Variants in FBXO34 observed in about 807,000 individuals in gnomAD.
FBXO34 encodes F-box protein 34.
Under a neutral mutation model 24.5 loss-of-function variants are expected in FBXO34, and 12 were observed. That is an observed-to-expected ratio of 0.49 (90% confidence interval 0.31 to 0.79). The LOEUF is 0.79. FBXO34 is among the 30% of genes least tolerant of loss of function. The pLI is 0.04. For missense variants in FBXO34, 823 were observed against 857.7 expected, an observed-to-expected ratio of 0.96 and a Z score of 0.51; for synonymous variants, 320 against 311.9, an observed-to-expected ratio of 1.03 and a Z score of -0.27.
intron 1 of FBXO34, among the ~76,000 whole-genome samples, chr14:55,317,709 A>G (rs1377742983): frequency 2.0e-5 from 3 of 152,208 alleles, no homozygotes; most frequent in Admixed American, 6.5e-5. Context: ...ATCAGCAAAT[A>G]CTACAAACAA....
At chr14:55,300,911 G>A (rs143920379) in intron 1 of FBXO34, among the ~76,000 whole-genome samples, 1 of 152,280 alleles carries the variant, frequency 6.6e-6, no homozygotes, top group African/African-American at 2.4e-5. Context: ...AAATGTTCTT[G>A]TAATTCTGAA....
chr14:55,304,061 T>C lies in FBXO34; in HGVS notation c.-11+32524T>C, dbSNP rs571485193. 9.9e-5 allele frequency among the ~76,000 whole-genome samples: 15 copies of C among 151,700 alleles called. No homozygotes were observed. In the South Asian group the frequency reaches 3.1e-3, roughly 31 times the overall value. ...ATAGTGTTTGGATTTATTGCTTAGT[T>C]ACAGTGACATGTGTGCGGTTAAAGT... On this transcript the variant is annotated intron_variant, in intron 1 of 1. Coordinates refer to ENST00000313833, the MANE Select transcript of FBXO34 (RefSeq NM_017943.4).
At chr14:55,360,489 T>C (rs1884579262) in intron 3 of FBXO34, among the ~76,000 whole-genome samples, 3 of 152,344 alleles carry the variant, frequency 2.0e-5, no homozygotes, top group African/African-American at 7.2e-5. Context: ...GTTCTCTTGC[T>C]GTTTTTCACC....
intron 1 of FBXO34, among the ~76,000 whole-genome samples, chr14:55,307,576 T>C (rs1024695476): frequency 2.0e-5 from 3 of 152,252 alleles, no homozygotes. Flanking sequence ...GTAATTTCTT[T>C]ATAAACAAGG....
the FBXO34 span, among the ~76,000 whole-genome samples, chr14:55,384,136 A>G: frequency 1.3e-5 from 2 of 152,254 alleles, no homozygotes; most frequent in Non-Finnish European, 2.9e-5. Flanking sequence ...AAACCTTATT[A>G]GAAGGGTAAC....
At chr14:55,303,933 C>T (rs1206322078) in intron 1 of FBXO34, among the ~76,000 whole-genome samples, 2 of 152,170 alleles carry the variant, frequency 1.3e-5, no homozygotes, top group African/African-American at 4.8e-5. Context: ...TCTTCTGGGA[C>T]TGATGTAAAG....
the FBXO34 span, among the ~76,000 whole-genome samples, chr14:55,425,173 G>A: frequency 1.4e-4 from 22 of 152,268 alleles, no homozygotes; most frequent in African/African-American, 5.3e-4. Context: ...AGTGAGTCTT[G>A]CCCATCTCAA....
chr14:55,402,968 T>TATATATATATATATATATATAA, the FBXO34 span, among the ~76,000 whole-genome samples: 1 of 60,970 alleles, frequency 1.6e-5, no homozygotes, highest in African/African-American at 5.7e-5. Context: ...TATATATATA[T>TATATATATATATATATATATAA]AAATAGCTGG....
the FBXO34 span, among the ~76,000 whole-genome samples, chr14:55,380,219 G>A: frequency 6.6e-6 from 1 of 151,994 alleles, no homozygotes; most frequent in Non-Finnish European, 1.5e-5. Context: ...CTGCACTCTG[G>A]CCTGGGCGAC....
intron 1 of FBXO34, among the ~76,000 whole-genome samples, chr14:55,283,747 C>T (rs1881643551): frequency 6.6e-6 from 1 of 152,182 alleles, no homozygotes; most frequent in South Asian, 2.1e-4. Flanking sequence ...GCACGTGAGC[C>T]ACCATGCCCA....
chr14:55,293,931 T>C (rs1388648044), intron 1 of FBXO34, among the ~76,000 whole-genome samples: 1 of 152,172 alleles, frequency 6.6e-6, no homozygotes, highest in Non-Finnish European at 1.5e-5. Context: ...GCTTATTTGT[T>C]AGGTATTGGT....
At chr14:55,319,256 C>G (rs1883044270) in intron 1 of FBXO34, among the ~76,000 whole-genome samples, 1 of 152,106 alleles carries the variant, frequency 6.6e-6, no homozygotes, top group African/African-American at 2.4e-5. Flanking sequence ...AATACCTGTT[C>G]AAGTTTCTTT....
intron 1 of FBXO34, among the ~76,000 whole-genome samples, chr14:55,336,959 T>C (rs1384197248): frequency 6.9e-6 from 1 of 145,162 alleles, no homozygotes; most frequent in African/African-American, 2.6e-5. Flanking sequence ...GGTAGGTCTC[T>C]TCACTCTTTT....
the FBXO34 span, among the ~76,000 whole-genome samples, chr14:55,392,879 C>G: frequency 2.0e-5 from 3 of 152,074 alleles, no homozygotes; most frequent in African/African-American, 7.2e-5. Flanking sequence ...AACAGATCCA[C>G]AGGGACTGAG....
Position 55,298,634 on chromosome 14 carries a change from G to A in FBXO34, c.-11+27097G>A, listed in dbSNP as rs948033825. 3.0e-5 allele frequency: 41 copies of A among 1,368,386 alleles called. 1 individual carries two copies. The highest frequency in any genetic ancestry group is 4.9e-4 in the Middle Eastern group (2 of 4,084). 84.8% of individuals were successfully genotyped at this position (1,368,386 alleles called of 1,614,324 possible). A position where few individuals can be genotyped will look rare whatever the true frequency, so the allele number is the denominator to read the frequency against. Reference sequence around the variant, plus strand: ...GCCGGAGCGGGCGTTGAAGGCTGGCGCGGCGAGCGCTGTTCGGGGCTGGAG... The same window carrying A: ...GCCGGAGCGGGCGTTGAAGGCTGGCACGGCGAGCGCTGTTCGGGGCTGGAG... On this transcript the variant is annotated intron_variant, in intron 1 of 1. Coordinates refer to ENST00000313833, the MANE Select transcript of FBXO34 (RefSeq NM_017943.4).
Position 55,350,593 on chromosome 14 carries a change from A to G in FBXO34, c.203A>G (p.Asn68Ser), listed in dbSNP as rs1163555268. 6.2e-7 allele frequency: 1 copy of G among 1,612,530 alleles called. No homozygotes were observed. Among genetic ancestry groups the G allele is most frequent in the Admixed American group, 1.7e-5 (1 of 59,432 alleles). ...SRKPFGILSP[N>S]VLCSMSGKSP... Reference sequence around the variant, plus strand: ...AAGCCATTTGGGATCCTTTCTCCAAATGTTCTGTGCAGTATGAGTGGGAAG... The same window carrying G: ...AAGCCATTTGGGATCCTTTCTCCAAGTGTTCTGTGCAGTATGAGTGGGAAG... The change falls in exon 2 of 2, where the codon AAT becomes AGT. Residue 68 changes from asparagine to serine, a missense_variant. This residue lies in a region of FBXO34 where 693 missense variants were observed against 659.1 expected (regional missense o/e 1.05). Coordinates refer to ENST00000313833, the MANE Select transcript of FBXO34 (RefSeq NM_017943.4).
chr14:55,420,498 A>G, the FBXO34 span, among the ~76,000 whole-genome samples: 1 of 151,332 alleles, frequency 6.6e-6, no homozygotes, highest in Non-Finnish European at 1.5e-5. Flanking sequence ...ATGAACAGGT[A>G]AAACGCCAAG....
At chr14:55,422,813 G>A in the FBXO34 span, among the ~76,000 whole-genome samples, 3 of 151,984 alleles carry the variant, frequency 2.0e-5, no homozygotes, top group South Asian at 2.1e-4. Context: ...AGATCGCGCC[G>A]CCATAGTCCA....
At chr14:55,337,254 A>G (rs1883815054) in intron 1 of FBXO34, among the ~76,000 whole-genome samples, 1 of 152,154 alleles carries the variant, frequency 6.6e-6, no homozygotes, top group Admixed American at 6.5e-5. Flanking sequence ...GATTACAGGC[A>G]TGAGCCACTG....
Sources: gnomAD v4.1 joint callset for allele counts (sites outside exome capture counted in the v4.1 genomes callset) on GRCh38, gnomAD v4.1.1 for gene constraint, gnomAD v4.1.1 regional missense constraint, MANE v1.5 for transcripts, NCBI Gene and HGNC (gene_info 2026-07-23, HGNC 2026-07-21) for gene names.